BACE1: variants seen among roughly 807,000 people sequenced by gnomAD.
BACE1 encodes the protein beta-secretase 1.
BACE1 carries 21 observed loss-of-function variants against 54.0 expected under a neutral mutation model. That is an observed-to-expected ratio of 0.39 (90% CI 0.28 to 0.56). The LOEUF is 0.56. Among genes scored for constraint, BACE1 ranks in the 20% least tolerant of loss-of-function variants. BACE1 has a pLI of 0.63. For missense variants in BACE1, 511 were observed against 661.2 expected (o/e 0.77, Z 2.49); for synonymous variants, 232 against 260.9 (o/e 0.89, Z 1.07).
intron 7 of BACE1, 72 bp downstream of exon 7, chr11:117,290,828 A>C: frequency 6.4e-7 from 1 of 1,573,632 alleles, no homozygotes; most frequent in Middle Eastern, 2.3e-4. Flanking sequence ...AAGTTCTGGC[A>C]AGCCATACCT....
intron 1 of BACE1, chr11:117,297,377 T>G (rs1012360829): frequency 2.4e-5 from 4 of 163,444 alleles, no homozygotes; most frequent in African/African-American, 9.6e-5. Context: ...CCCAGCACTA[T>G]GGGAGGCTGA....
chr11:117,298,958 A>C (rs1162898833), intron 1 of BACE1, among the ~76,000 whole-genome samples: 1 of 152,108 alleles, frequency 6.6e-6, no homozygotes, highest in African/African-American at 2.4e-5. Context: ...AGTGTGCGCT[A>C]CCACGCAGGG....
chr11:117,300,485 G>C (rs543027579), intron 1 of BACE1, among the ~76,000 whole-genome samples: 2 of 152,288 alleles, frequency 1.3e-5, no homozygotes, highest in South Asian at 4.1e-4. Context: ...TTAACAGGAC[G>C]GGCCCGAGGC....
At chr11:117,314,546 C>T (rs570005221) in intron 1 of BACE1, 1 of 152,554 alleles carries the variant, frequency 6.6e-6, no homozygotes, top group South Asian at 2.1e-4. Flanking sequence ...AGGTGGCTCA[C>T]AGATGTGCAG....
intron 1 of BACE1, among the ~76,000 whole-genome samples, chr11:117,303,197 CACCT>C (rs2034761282): frequency 6.6e-6 from 1 of 152,162 alleles, no homozygotes; most frequent in Admixed American, 6.5e-5. Flanking sequence ...CCTGGCATGA[CACCT>C]GCCTGTATTT....
At chr11:117,299,632 G>GCC in intron 1 of BACE1, 1 of 378,338 alleles carries the variant, frequency 2.6e-6, no homozygotes, top group Non-Finnish European at 5.2e-6. Context: ...TCCCCTCCCT[G>GCC]CCCCTCTTCC....
At chr11:117,292,886 A>T in intron 5 of BACE1, 168 bp downstream of exon 5, 1 of 750,216 alleles carries the variant, frequency 1.3e-6, no homozygotes. Flanking sequence ...CAAACCGCAG[A>T]TCCTGCTGTG....
chr11:117,291,352 C>A (rs1270841684), intron 6 of BACE1, among the ~76,000 whole-genome samples: 1 of 151,766 alleles, frequency 6.6e-6, no homozygotes, highest in Admixed American at 6.6e-5. Context: ...TCATGGCTCA[C>A]CGCAACCTCC....
intron 1 of BACE1, among the ~76,000 whole-genome samples, chr11:117,306,300 G>A (rs2034832148): frequency 6.6e-6 from 1 of 152,126 alleles, no homozygotes; most frequent in Non-Finnish European, 1.5e-5. Flanking sequence ...TGTTTTTCAT[G>A]GTCAGACAGT....
At chr11:117,290,765 G>A (rs568682860) in intron 7 of BACE1, 106 bp from the exon 8 acceptor site, 155 of 1,553,620 alleles carry the variant, frequency 1.0e-4, no homozygotes, top group Middle Eastern at 9.5e-4. Flanking sequence ...GAGCTCTAAC[G>A]GGTTTTCTGA....
chr11:117,300,414 C>T (rs1298520836), intron 1 of BACE1, among the ~76,000 whole-genome samples: 1 of 152,200 alleles, frequency 6.6e-6, no homozygotes, highest in Admixed American at 6.5e-5. Context: ...GAGCCCTGGC[C>T]AGTCCCGGCA....
intron 1 of BACE1, chr11:117,297,184 C>T (rs996408269): frequency 2.2e-5 from 11 of 499,602 alleles, no homozygotes; most frequent in Non-Finnish European, 3.8e-5. Context: ...TCCCCTGTGC[C>T]CTCTGCAGGT....
chr11:117,292,809 C>T (rs1266490359), intron 5 of BACE1: 10 of 416,618 alleles, frequency 2.4e-5, no homozygotes, highest in Non-Finnish European at 3.0e-5. Flanking sequence ...CGAAGCAAGG[C>T]AGTGACTAGA....
chr11:117,310,160 C>T (rs1227213582), intron 1 of BACE1, among the ~76,000 whole-genome samples: 3 of 152,110 alleles, frequency 2.0e-5, no homozygotes, highest in Admixed American at 6.6e-5. Flanking sequence ...CCACCCGCCT[C>T]GGCCTCACCT....
intron 1 of BACE1, among the ~76,000 whole-genome samples, chr11:117,309,356 A>T (rs28989470): frequency 6.6e-6 from 1 of 152,226 alleles, no homozygotes; most frequent in East Asian, 1.9e-4. Context: ...GCCCCATGGC[A>T]TCCCCACCAT....
intron 7 of BACE1, 97 bp downstream of exon 7, chr11:117,290,803 T>A (rs907804275): frequency 2.6e-6 from 4 of 1,554,958 alleles, no homozygotes; most frequent in South Asian, 1.2e-5. Context: ...ACACTACTCA[T>A]CTGTTTTGTC....
intron 3 of BACE1, among the ~76,000 whole-genome samples, chr11:117,294,764 A>C (rs2034552976): frequency 1.3e-5 from 2 of 151,662 alleles, no homozygotes; most frequent in Non-Finnish European, 2.9e-5. Flanking sequence ...GGGCGCCTAT[A>C]ATCCCAGCTA....
chr11:117,292,273 C>T (rs1591854879), intron 5 of BACE1: 4 of 142,128 alleles, frequency 2.8e-5, no homozygotes, highest in African/African-American at 1.1e-4. Flanking sequence ...TCACTCTAAC[C>T]TCTGCCTCCT....
At chr11:117,306,151 G>C (rs2034829401) in intron 1 of BACE1, among the ~76,000 whole-genome samples, 1 of 152,204 alleles carries the variant, frequency 6.6e-6, no homozygotes, top group Admixed American at 6.5e-5. Flanking sequence ...TGTTCTGTTT[G>C]AAGGGGAGGT....
Sources: allele counts gnomAD v4.1 joint callset (sites outside exome capture counted in the v4.1 genomes callset), GRCh38; gene constraint gnomAD v4.1.1; transcripts MANE v1.5; gene names NCBI Gene and HGNC (gene_info 2026-07-23, HGNC 2026-07-21).